Variants in NDEL1 observed in about 807,000 individuals in gnomAD.
NDEL1 encodes the protein nudE neurodevelopment protein 1 like 1.
In NDEL1, 9 loss-of-function variants were observed where a neutral mutation model predicts 45.7. The observed-to-expected ratio is 0.20, with a 90% CI of 0.12 to 0.34. The LOEUF is 0.34. Ranked by LOEUF, NDEL1 falls within the 10% of genes least tolerant of loss-of-function variation. The pLI is 1.00. For missense variants in NDEL1, 306 were observed against 406.2 expected, an observed-to-expected ratio of 0.75 and a Z score of 2.12; for synonymous variants, 133 against 158.6, an observed-to-expected ratio of 0.84 and a Z score of 1.21.
upstream of NDEL1, among the ~76,000 whole-genome samples, chr17:8,435,684 C>T (rs1421243278): frequency 2.0e-5 from 3 of 152,230 alleles, no homozygotes; most frequent in African/African-American, 4.8e-5. Context: ...CCAAAACCAG[C>T]CGGTCGCAGA....
intron 7 of NDEL1, among the ~76,000 whole-genome samples, chr17:8,459,649 C>G (rs1019286916): frequency 6.6e-6 from 1 of 152,170 alleles, no homozygotes; most frequent in Admixed American, 6.5e-5. Flanking sequence ...AAAACACACC[C>G]TGCCCCCCAA....
chr17:8,423,623 G>A (rs181547746), intron 1 of NDEL1, among the ~76,000 whole-genome samples: 262 of 152,292 alleles, frequency 1.7e-3, no homozygotes, highest in Non-Finnish European at 2.9e-3. Flanking sequence ...GGCGAAGGTT[G>A]CAGTGAGCCG....
chr17:8,428,959 C>T (rs550973682), intron 1 of NDEL1, among the ~76,000 whole-genome samples: 1 of 152,344 alleles, frequency 6.6e-6, no homozygotes, highest in Non-Finnish European at 1.5e-5. Flanking sequence ...AGGCATGAGC[C>T]ACCGCGCCCG....
intron 1 of NDEL1, 79 bp downstream of exon 1, chr17:8,436,124 C>T (rs1348701145): frequency 3.4e-6 from 1 of 290,746 alleles, no homozygotes; most frequent in Non-Finnish European, 6.7e-6. Flanking sequence ...GGGGAGCCTT[C>T]CCGGCCCGGG....
At chr17:8,464,208 A>C (rs955438227) in intron 8 of NDEL1, 1 of 152,064 alleles carries the variant, frequency 6.6e-6, no homozygotes, top group African/African-American at 2.4e-5. Context: ...CTCCTTAACT[A>C]GTCTGTGGTG....
intron 1 of NDEL1, 28 bp downstream of exon 1, chr17:8,436,073 T>C (rs1282682225): frequency 2.5e-6 from 1 of 402,656 alleles, no homozygotes; most frequent in Non-Finnish European, 4.9e-6. Context: ...GGCCGCTCCC[T>C]AAGGGGCTGC....
At chr17:8,459,834 G>A (rs1911084684) in intron 7 of NDEL1, among the ~76,000 whole-genome samples, 175 bp from the exon 8 acceptor site, 2 of 152,172 alleles carry the variant, frequency 1.3e-5, no homozygotes. Context: ...ATTAGAAAGG[G>A]AGCATAAGTA....
chr17:8,456,859 C>T (rs1489942109), intron 7 of NDEL1, among the ~76,000 whole-genome samples: 1 of 152,200 alleles, frequency 6.6e-6, no homozygotes, highest in Non-Finnish European at 1.5e-5. Context: ...CACTCCCACT[C>T]CGCTTTCCTT....
chr17:8,415,502 A>G (rs1227111907), intron 1 of NDEL1, among the ~76,000 whole-genome samples: 1 of 144,562 alleles, frequency 6.9e-6, no homozygotes, highest in Non-Finnish European at 1.5e-5. Flanking sequence ...TGGCGCAATC[A>G]CAGCTCACTG....
intron 1 of NDEL1, among the ~76,000 whole-genome samples, chr17:8,417,122 C>G (rs1908563109): frequency 6.6e-6 from 1 of 151,476 alleles, no homozygotes; most frequent in African/African-American, 2.4e-5. Flanking sequence ...TTTTTTATTT[C>G]TTTCTTTTTT....
chr17:8,456,965 G>A (rs1910889219), intron 7 of NDEL1, among the ~76,000 whole-genome samples: 1 of 152,208 alleles, frequency 6.6e-6, no homozygotes. Flanking sequence ...ACATATATGT[G>A]TTATTTACTG....
At chr17:8,413,756 A>C (rs975915728) in intron 1 of NDEL1, among the ~76,000 whole-genome samples, 4 of 152,248 alleles carry the variant, frequency 2.6e-5, no homozygotes, top group African/African-American at 7.2e-5. Context: ...TCTCATCTAC[A>C]AAATGTAAGA....
chr17:8,431,749 G>A (rs1443201320), upstream of NDEL1: 1 of 152,196 alleles, frequency 6.6e-6, no homozygotes, highest in Non-Finnish European at 1.5e-5. Flanking sequence ...AGCAGACCAA[G>A]TGTTTAGCAC....
chr17:8,467,075 C>A lies in NDEL1; in HGVS notation c.*52C>A, dbSNP rs1291532965. The A allele has an allele frequency of 7.6e-6, 12 of 1,571,236 alleles. No individual in the cohort carries two copies. In the South Asian group the frequency reaches 1.2e-4, roughly 16 times the overall value. The stretch of plus-strand genomic sequence containing the variant: ...TGCCCTCCTCCAACAACCCAGGACA[C>A]CCACGCCTCACCCCTCGGTGCCTGG... On this transcript the variant is annotated 3_prime_UTR_variant, in exon 9 of 9. Transcript: ENST00000334527. This position sits in a 1 kb window ranked among gnomAD's most constrained non-coding sequence, Gnocchi z 6.3.
chr17:8,431,271 C>G (rs1209172583), upstream of NDEL1: 1 of 152,420 alleles, frequency 6.6e-6, no homozygotes, highest in African/African-American at 2.4e-5. Context: ...GTGATCTCAT[C>G]AGCCAGAGCA....
chr17:8,441,646 C>T (rs1421069335), intron 1 of NDEL1, among the ~76,000 whole-genome samples: 2 of 152,076 alleles, frequency 1.3e-5, no homozygotes, highest in Non-Finnish European at 2.9e-5. Context: ...AGTAACATGT[C>T]TTCACCACAA....
intron 6 of NDEL1, among the ~76,000 whole-genome samples, chr17:8,451,782 T>A (rs1910519307): frequency 6.6e-6 from 1 of 152,124 alleles, no homozygotes; most frequent in Non-Finnish European, 1.5e-5. Flanking sequence ...CCTTGCTTTT[T>A]TTTTCCACCC....
At chr17:8,471,160 G>GT (rs763490594), downstream of NDEL1, among the ~76,000 whole-genome samples, 69 of 152,230 alleles carry the variant, frequency 4.5e-4, no homozygotes, top group Non-Finnish European at 7.9e-4. Flanking sequence ...TGTTGTTGTT[G>GT]TTTTTTTGAG....
At chr17:8,417,833 C>A (rs1373850610) in intron 1 of NDEL1, among the ~76,000 whole-genome samples, 1 of 152,204 alleles carries the variant, frequency 6.6e-6, no homozygotes, top group Non-Finnish European at 1.5e-5. Flanking sequence ...AGATCTGGAG[C>A]TATTCTGGTT....
Sources: gnomAD v4.1 joint callset for allele counts (sites outside exome capture counted in the v4.1 genomes callset) on GRCh38, gnomAD v4.1.1 for gene constraint, Gnocchi (gnomAD v3.1) non-coding constraint, MANE v1.5 for transcripts, NCBI Gene and HGNC (gene_info 2026-07-23, HGNC 2026-07-21) for gene names.